Variants in DLGAP2 observed in about 807,000 individuals in gnomAD.
DLGAP2 encodes the protein disks large-associated protein 2.
In DLGAP2, 26 loss-of-function variants were observed where a neutral mutation model predicts 100.3. That is an observed-to-expected ratio of 0.26 (90% CI 0.19 to 0.36). DLGAP2 has a LOEUF of 0.36. Among genes scored for constraint, DLGAP2 ranks in the 10% least tolerant of loss-of-function variants. DLGAP2 has a pLI of 1.00. For missense variants in DLGAP2, 1,858 were observed against 1,453.2 expected (o/e 1.28, Z -4.53); for synonymous variants, 886 against 630.1 (o/e 1.41, Z -6.08).
intron 2 of DLGAP2, among the ~76,000 whole-genome samples, chr8:945,188 T>G (rs2129006171): frequency 6.6e-6 from 1 of 152,348 alleles, no homozygotes; most frequent in South Asian, 2.1e-4. Flanking sequence ...CTGACTGGTT[T>G]ATAAAAAGTG....
At chr8:1,011,060 G>A (rs1051470007) in intron 2 of DLGAP2, among the ~76,000 whole-genome samples, 33 of 152,206 alleles carry the variant, frequency 2.2e-4, no homozygotes, top group African/African-American at 7.9e-4. Context: ...TTCTGGGCAA[G>A]GGGTCTCAGT....
At chr8:791,626 AT>A (rs938932711) in intron 1 of DLGAP2, among the ~76,000 whole-genome samples, 8 of 152,280 alleles carry the variant, frequency 5.3e-5, no homozygotes, top group African/African-American at 1.9e-4. Flanking sequence ...TGTGCTGTGA[AT>A]TTTTTTGATG....
chr8:1,628,310 G>A (rs553867705), intron 7 of DLGAP2, among the ~76,000 whole-genome samples: 1 of 145,578 alleles, frequency 6.9e-6, no homozygotes, highest in South Asian at 2.2e-4. Flanking sequence ...GGAATTAAGA[G>A]CTTGAGCCGA....
At position 835,125 on chromosome 8, in the gene DLGAP2, T is replaced by C. The variant is rs76585253; in HGVS notation, c.19-72787T>C. On this transcript the variant is annotated intron_variant, in intron 1 of 14. Coordinates refer to ENST00000637795, the MANE Select transcript of DLGAP2 (RefSeq NM_001346810.2). ...TGGGTGTTTGTGGAGGGGGGGCTGC[T>C]TTCATATGGATGGAGTTAATGCTCC... 5.9e-5 allele frequency among the ~76,000 whole-genome samples: 9 copies of C among 152,302 alleles called. No individual in the cohort carries two copies. The East Asian group carries it at 1.7e-3, about 29-fold the overall frequency.
chr8:1,353,437 T>A (rs1650772402), intron 3 of DLGAP2, among the ~76,000 whole-genome samples: 1 of 152,244 alleles, frequency 6.6e-6, no homozygotes, highest in South Asian at 2.1e-4. Flanking sequence ...AGGTATTCAC[T>A]TTATGATGAA....
chr8:794,791 A>G (rs1255779911), intron 1 of DLGAP2, among the ~76,000 whole-genome samples: 1 of 151,824 alleles, frequency 6.6e-6, no homozygotes, highest in Non-Finnish European at 1.5e-5. Context: ...CCTGTGGGTG[A>G]ACGGTGTTTC....
intron 3 of DLGAP2, among the ~76,000 whole-genome samples, chr8:1,338,432 G>A (rs1801337981): frequency 6.6e-6 from 1 of 152,196 alleles, no homozygotes. Context: ...GAAATGTCCA[G>A]GACAGGCAAA....
intron 3 of DLGAP2, among the ~76,000 whole-genome samples, chr8:1,283,035 G>A (rs1276757887): frequency 2.9e-5 from 4 of 136,906 alleles, no homozygotes; most frequent in African/African-American, 1.1e-4. Context: ...CCCAGCACGT[G>A]AACCATCTGG....
chr8:1,189,676 C>T (rs888741067), intron 2 of DLGAP2, among the ~76,000 whole-genome samples: 1 of 152,180 alleles, frequency 6.6e-6, no homozygotes, highest in African/African-American at 2.4e-5. Flanking sequence ...AATGACAGGG[C>T]CGAGTTTTCC....
At position 974,459 on chromosome 8, in the gene DLGAP2, C is replaced by T. The variant is rs1313067534; in HGVS notation, c.73+66493C>T. On this transcript the variant is annotated intron_variant, in intron 2 of 14. Transcript: ENST00000637795. The stretch of plus-strand genomic sequence containing the variant: ...ACAGCAGAAACACATTCCTCTCAAG[C>T]TTATATGGAATATTCATCAAGATAG... Among the ~76,000 whole-genome samples, 4 of 152,256 alleles carry T rather than the reference C, an allele frequency of 2.6e-5. No homozygotes were observed. The South Asian group carries it at 8.3e-4, about 32-fold the overall frequency.
intron 8 of DLGAP2, among the ~76,000 whole-genome samples, chr8:1,664,503 C>T (rs750175703): frequency 6.6e-6 from 1 of 152,180 alleles, no homozygotes; most frequent in Non-Finnish European, 1.5e-5. Flanking sequence ...CTCTTAGGCT[C>T]TAGATAAATG....
At chr8:968,271 C>A (rs111682641) in intron 2 of DLGAP2, among the ~76,000 whole-genome samples, 1 of 152,180 alleles carries the variant, frequency 6.6e-6, no homozygotes, top group African/African-American at 2.4e-5. Flanking sequence ...CCCAACCCCC[C>A]AGCTGGTGCT....
intron 2 of DLGAP2, among the ~76,000 whole-genome samples, chr8:1,171,146 A>T (rs1797119925): frequency 6.6e-6 from 1 of 152,206 alleles, no homozygotes; most frequent in Non-Finnish European, 1.5e-5. Flanking sequence ...TGTACCCAGT[A>T]GTCCTTCAGG....
At chr8:1,084,643 C>T (rs1803915766) in intron 2 of DLGAP2, among the ~76,000 whole-genome samples, 2 of 152,208 alleles carry the variant, frequency 1.3e-5, no homozygotes, top group South Asian at 4.1e-4. Flanking sequence ...CTTTCTGTGC[C>T]TGGCTTCTTT....
chr8:1,428,221 T>A (rs552340312), intron 3 of DLGAP2, among the ~76,000 whole-genome samples: 16 of 151,394 alleles, frequency 1.1e-4, no homozygotes, highest in East Asian at 7.8e-4. Flanking sequence ...AGAAAAAAAA[T>A]TTAAAGCCTA....
intron 1 of DLGAP2, among the ~76,000 whole-genome samples, chr8:824,736 G>T (rs890449256): frequency 1.3e-5 from 2 of 152,118 alleles, no homozygotes; most frequent in Admixed American, 1.3e-4. Context: ...GAGGACCCAG[G>T]ATCCAGACAT....
intron 3 of DLGAP2, among the ~76,000 whole-genome samples, chr8:1,305,993 T>A (rs1214741944): frequency 6.6e-6 from 1 of 151,718 alleles, no homozygotes; most frequent in Non-Finnish European, 1.5e-5. Context: ...TATCCAGATA[T>A]TTTGCTGAAT....
rs182905711 is a variant in DLGAP2, at chr8:1,572,868, G to A, written c.1442+6974G>A. Among the ~76,000 whole-genome samples the A allele has an allele frequency of 9.1e-4, 125 of 137,700 alleles. 2 individuals carry two copies. Among genetic ancestry groups the A allele is most frequent in the Admixed American group, 6.3e-3 (88 of 13,874 alleles). 90.3% of individuals were successfully genotyped at this position (137,700 alleles called of 152,430 possible). A position where few individuals can be genotyped will look rare whatever the true frequency, so the allele number is the denominator to read the frequency against. On this transcript the variant is annotated intron_variant, in intron 6 of 14. Coordinates refer to ENST00000637795, the MANE Select transcript of DLGAP2 (RefSeq NM_001346810.2). ...GAGAGGAGAGAGGGTTGAACTGTGG[G>A]GGCATCTGATGAGATGGAGAGGAGA... is the stretch of plus-strand genomic sequence containing the variant.
chr8:805,741 C>T (rs566969621), intron 1 of DLGAP2, among the ~76,000 whole-genome samples: 1 of 152,296 alleles, frequency 6.6e-6, no homozygotes, highest in African/African-American at 2.4e-5. Context: ...GCTGGGACTA[C>T]TCCTGAGCCC....
Sources: gnomAD v4.1 joint callset for allele counts (sites outside exome capture counted in the v4.1 genomes callset) on GRCh38, gnomAD v4.1.1 for gene constraint, MANE v1.5 for transcripts, NCBI Gene and HGNC (gene_info 2026-07-23, HGNC 2026-07-21) for gene names.